Variants in RALGPS2 observed in about 807,000 individuals in gnomAD.
RALGPS2 encodes Ral GEF with PH domain and SH3 binding motif 2, also known as ras-specific guanine nucleotide-releasing factor RalGPS2.
A neutral mutation model predicts 86.8 loss-of-function variants in RALGPS2; 43 were observed. The ratio of observed to expected loss-of-function variants is 0.50; its 90% CI spans 0.39 to 0.64. RALGPS2 has a LOEUF of 0.64. Ranked by LOEUF, RALGPS2 falls within the 30% of genes least tolerant of loss-of-function variation. The pLI is 0.00. For synonymous variants in RALGPS2, 243 were observed against 231.3 expected (o/e 1.05, Z -0.46); for missense variants, 536 against 694.6 (o/e 0.77, Z 2.57).
At chr1:178,856,394 ATTTTTTTTT>A (rs71108081) in intron 8 of RALGPS2, among the ~76,000 whole-genome samples, 6 of 36,430 alleles carry the variant, frequency 1.6e-4, no homozygotes, top group Admixed American at 6.3e-4. Context: ...TGCCTGGCTA[ATTTTTTTTT>A]TTTTTTTTTT....
intron 1 of RALGPS2, among the ~76,000 whole-genome samples, chr1:178,745,822 C>CTTTTTTTTTT (rs34277622): frequency 2.3e-5 from 2 of 86,112 alleles, no homozygotes; most frequent in South Asian, 4.4e-4. Context: ...TTCAATTCTT[C>CTTTTTTTTTT]TTTTTTTTTT....
chr1:178,747,751 G>A (rs56228599), intron 1 of RALGPS2: 1 of 1,063,030 alleles, frequency 9.4e-7, no homozygotes, highest in Non-Finnish European at 1.4e-6. Context: ...ATGGTGGTGG[G>A]CATGGCAGCA....
In RALGPS2 at chr1:178,783,598, A is replaced by G. The variant is rs1653500586; in HGVS notation, c.58-820A>G. 2.6e-5 allele frequency among the ~76,000 whole-genome samples: 4 copies of G among 152,166 alleles called. No individual in the cohort carries two copies. The South Asian group carries it at 8.3e-4, about 32-fold the overall frequency. Reference sequence around the variant, plus strand: ...CAAGTGCTTAAAACTAATACATAATAGCTGGTGGGTTGATCTGTGTGTACT... The same window carrying G: ...CAAGTGCTTAAAACTAATACATAATGGCTGGTGGGTTGATCTGTGTGTACT... On this transcript the variant is annotated intron_variant, in intron 2 of 19. Coordinates refer to ENST00000367635, the MANE Select transcript of RALGPS2 (RefSeq NM_152663.5).
intron 19 of RALGPS2, among the ~76,000 whole-genome samples, chr1:178,911,429 T>G (rs1367664841): frequency 6.6e-6 from 1 of 152,178 alleles, no homozygotes; most frequent in African/African-American, 2.4e-5. Flanking sequence ...TTCCTTAGTT[T>G]TAAATCATTT....
chr1:178,874,704 C>T (rs1031040815), intron 8 of RALGPS2, among the ~76,000 whole-genome samples: 6 of 152,168 alleles, frequency 3.9e-5, no homozygotes, highest in African/African-American at 1.4e-4. Context: ...TCTTTTAGCT[C>T]TCCTTAGGGA....
At chr1:178,773,836 A>T (rs1201780370) in intron 1 of RALGPS2, among the ~76,000 whole-genome samples, 2 of 152,128 alleles carry the variant, frequency 1.3e-5, no homozygotes, top group South Asian at 4.1e-4. Context: ...ATTTGTAAAT[A>T]GTTACGAAAA....
At chr1:178,782,650 C>G (rs1158554060) in intron 2 of RALGPS2, among the ~76,000 whole-genome samples, 1 of 151,908 alleles carries the variant, frequency 6.6e-6, no homozygotes, top group Non-Finnish European at 1.5e-5. Context: ...CCCAGCAACC[C>G]CTCAAATACA....
intron 1 of RALGPS2, among the ~76,000 whole-genome samples, chr1:178,748,581 G>A (rs192851689): frequency 1.3e-5 from 2 of 150,052 alleles, no homozygotes; most frequent in Non-Finnish European, 3.0e-5. Flanking sequence ...GGCTGGGCAC[G>A]GTGGCTCACG....
At chr1:178,844,937 T>C (rs1240617429) in intron 8 of RALGPS2, among the ~76,000 whole-genome samples, 7 of 152,110 alleles carry the variant, frequency 4.6e-5, no homozygotes, top group Non-Finnish European at 8.8e-5. Flanking sequence ...CCTAGCACTT[T>C]GGGAGGCTGA....
At chr1:178,856,611 T>A (rs1657605008) in intron 8 of RALGPS2, among the ~76,000 whole-genome samples, 2 of 151,558 alleles carry the variant, frequency 1.3e-5, no homozygotes. Context: ...TGGGATAGAC[T>A]CAACTTAGTG....
At chr1:178,735,821 A>T (rs1384893697) in intron 1 of RALGPS2, among the ~76,000 whole-genome samples, 1 of 152,082 alleles carries the variant, frequency 6.6e-6, no homozygotes, top group Admixed American at 6.5e-5. Flanking sequence ...TCTGGGGATA[A>T]TTGTATTGCA....
chr1:178,784,251 G>A (rs1179587824), intron 2 of RALGPS2, among the ~76,000 whole-genome samples, 167 bp from the exon 3 acceptor site: 3 of 152,100 alleles, frequency 2.0e-5, no homozygotes, highest in African/African-American at 7.2e-5. Context: ...CAAGTTGTCT[G>A]ACCCTTTATC....
At chr1:178,853,242 A>G in intron 8 of RALGPS2, 1 of 974,456 alleles carries the variant, frequency 1.0e-6, no homozygotes, top group Non-Finnish European at 1.2e-6. Flanking sequence ...GCTACTAAAA[A>G]TATTAGCTAG....
At chr1:178,836,249 A>G (rs916455729) in intron 8 of RALGPS2, among the ~76,000 whole-genome samples, 13 of 152,242 alleles carry the variant, frequency 8.5e-5, no homozygotes, top group African/African-American at 3.1e-4. Flanking sequence ...ACCTGAAACA[A>G]AGAGTAATCA....
In RALGPS2 at chr1:178,885,152, G is replaced by A. The variant is rs372147647; in HGVS notation, c.981G>A (p.Pro327=). ...AAEGALLPQT[P]PSPRNLIPHG... The stretch of plus-strand genomic sequence containing the variant: ...AAGGAGCCTTGCTCCCACAGACACC[G>A]CCATCCCCTCGGAATCTGATTCCAC... The change falls in exon 12 of 20, where the codon CCG becomes CCA. Residue 327 remains proline, a synonymous_variant. Transcript: ENST00000367635. The A allele has an allele frequency of 6.8e-6, 11 of 1,613,674 alleles. No individual in the cohort carries two copies. The highest frequency in any genetic ancestry group is 4.5e-5 in the East Asian group (2 of 44,856).
chr1:178,731,659 C>T (rs1363000133), intron 1 of RALGPS2, among the ~76,000 whole-genome samples: 1 of 152,076 alleles, frequency 6.6e-6, no homozygotes, highest in Non-Finnish European at 1.5e-5. Context: ...TGACCTGGCC[C>T]TACGATCTTT....
intron 8 of RALGPS2, among the ~76,000 whole-genome samples, chr1:178,874,054 A>G (rs1019993137): frequency 3.3e-5 from 5 of 152,220 alleles, no homozygotes; most frequent in Non-Finnish European, 7.4e-5. Flanking sequence ...TAATCCACAC[A>G]TACAATAAAA....
At chr1:178,767,038 G>T (rs972851634) in intron 1 of RALGPS2, among the ~76,000 whole-genome samples, 30 of 152,168 alleles carry the variant, frequency 2.0e-4, no homozygotes, top group African/African-American at 7.0e-4. Flanking sequence ...AATTCTTGAA[G>T]TGAGTTTTTC....
intron 1 of RALGPS2, among the ~76,000 whole-genome samples, chr1:178,750,570 T>G (rs1651593758): frequency 6.6e-6 from 1 of 152,242 alleles, no homozygotes; most frequent in African/African-American, 2.4e-5. Flanking sequence ...AGAAGTAGAA[T>G]AAGGCAACCT....
Sources: gnomAD v4.1 joint callset for allele counts (sites outside exome capture counted in the v4.1 genomes callset) on GRCh38, gnomAD v4.1.1 for gene constraint, MANE v1.5 for transcripts, NCBI Gene and HGNC (gene_info 2026-07-23, HGNC 2026-07-21) for gene names.